STIM2: variants seen among roughly 807,000 people sequenced by gnomAD.
STIM2 encodes the protein stromal interaction molecule 2.
STIM2 carries 31 observed loss-of-function variants against 85.8 expected under a neutral mutation model. The ratio of observed to expected loss-of-function variants is 0.36; its 90% CI spans 0.27 to 0.49. The LOEUF (loss-of-function observed/expected upper bound fraction) is 0.49, where lower values mean the gene tolerates loss of function less well. Ranked by LOEUF, STIM2 falls within the 20% of genes least tolerant of loss-of-function variation. STIM2 has a pLI of 0.98. For missense variants in STIM2, 841 were observed against 927.6 expected, an observed-to-expected ratio of 0.91 and a Z score of 1.21; for synonymous variants, 356 against 331.1, an observed-to-expected ratio of 1.08 and a Z score of -0.82.
intron 2 of STIM2, among the ~76,000 whole-genome samples, chr4:26,932,027 T>C (rs760430295): frequency 6.6e-6 from 1 of 152,238 alleles, no homozygotes; most frequent in Admixed American, 6.5e-5. Flanking sequence ...ATTTGTTCCA[T>C]CGTATAAGCA....
At chr4:26,923,016 C>G (rs899675969) in intron 2 of STIM2, among the ~76,000 whole-genome samples, 15 of 151,816 alleles carry the variant, frequency 9.9e-5, no homozygotes, top group Admixed American at 2.0e-4. Context: ...TCCCAGCATG[C>G]AGCTGGAGAT....
At chr4:26,912,654 G>C (rs900081302) in intron 1 of STIM2, among the ~76,000 whole-genome samples, 1 of 152,054 alleles carries the variant, frequency 6.6e-6, no homozygotes, top group African/African-American at 2.4e-5. Context: ...ATATTTGTCT[G>C]TTTTCTCTTA....
intron 4 of STIM2, among the ~76,000 whole-genome samples, chr4:26,998,922 A>AT (rs1553853952): frequency 4.0e-5 from 6 of 149,504 alleles, no homozygotes; most frequent in South Asian, 2.1e-4. Flanking sequence ...AAAAAAAAAA[A>AT]TTTTTTTTTC....
At chr4:26,998,737 C>A (rs1048790008) in intron 4 of STIM2, among the ~76,000 whole-genome samples, 2 of 151,738 alleles carry the variant, frequency 1.3e-5, no homozygotes, top group Admixed American at 1.3e-4. Context: ...ATGGTGAAAC[C>A]CCATCTCTAC....
In STIM2 at chr4:26,873,871, G is replaced by T. The variant is rs368568114; in HGVS notation, c.151+12502G>T. The T allele has an allele frequency of 5.5e-5, 67 of 1,215,672 alleles. No homozygotes were observed. In the East Asian group the frequency reaches 1.0e-3, roughly 19 times the overall value. 75.3% of individuals were successfully genotyped at this position (1,215,672 alleles called of 1,614,324 possible). On this transcript the variant is annotated intron_variant, in intron 1 of 11. Transcript: ENST00000467087. ...TACGTGAACCCATCCGGGCAGAGAGGCAGTGATGCTCCTTCTCCCAGGGGT... is the reference window on the plus strand; with the variant it reads ...TACGTGAACCCATCCGGGCAGAGAGTCAGTGATGCTCCTTCTCCCAGGGGT...
intron 2 of STIM2, among the ~76,000 whole-genome samples, chr4:26,928,770 GTC>G (rs1725088287): frequency 6.6e-6 from 1 of 152,158 alleles, no homozygotes; most frequent in Admixed American, 6.5e-5. Context: ...ATCTTATTGA[GTC>G]TTTTAAATTT....
At chr4:27,011,207 G>A (rs536906053) in intron 10 of STIM2, among the ~76,000 whole-genome samples, 3 of 152,002 alleles carry the variant, frequency 2.0e-5, no homozygotes, top group Non-Finnish European at 4.4e-5. Flanking sequence ...CAATGGTTGC[G>A]TGTTTAGAAG....
At chr4:26,929,737 C>T (rs913395925) in intron 2 of STIM2, among the ~76,000 whole-genome samples, 2 of 151,672 alleles carry the variant, frequency 1.3e-5, no homozygotes, top group Non-Finnish European at 2.9e-5. Context: ...CTATTTTATA[C>T]CAGATACTCA....
At chr4:26,962,196 C>G (rs1319753020) in intron 3 of STIM2, among the ~76,000 whole-genome samples, 1 of 152,130 alleles carries the variant, frequency 6.6e-6, no homozygotes, top group Non-Finnish European at 1.5e-5. Context: ...TTTGAAAATT[C>G]ACTTATAAAA....
At chr4:27,021,464 C>T in intron 11 of STIM2, 3 of 456,666 alleles carry the variant, frequency 6.6e-6, no homozygotes, top group Middle Eastern at 6.7e-4. Flanking sequence ...ATGCAGGGCC[C>T]TGAGGGGTCT....
intron 1 of STIM2, among the ~76,000 whole-genome samples, chr4:26,863,223 C>G (rs1722284173): frequency 6.6e-6 from 1 of 152,122 alleles, no homozygotes; most frequent in African/African-American, 2.4e-5. Context: ...CGATGTATCA[C>G]ACAAAATGAG....
At chr4:26,995,861 C>T (rs908456465) in intron 4 of STIM2, among the ~76,000 whole-genome samples, 5 of 152,142 alleles carry the variant, frequency 3.3e-5, no homozygotes, top group South Asian at 2.1e-4. Flanking sequence ...GCGTCTCTTT[C>T]TTGTGACATT....
intron 1 of STIM2, among the ~76,000 whole-genome samples, chr4:26,872,225 A>G (rs1722646653): frequency 6.6e-6 from 1 of 152,208 alleles, no homozygotes; most frequent in Admixed American, 6.5e-5. Context: ...TAACCGGACC[A>G]TGAGTGGTCC....
intron 3 of STIM2, among the ~76,000 whole-genome samples, chr4:26,975,278 C>A (rs1727139505): frequency 6.6e-6 from 1 of 152,170 alleles, no homozygotes; most frequent in Non-Finnish European, 1.5e-5. Flanking sequence ...TGCTTTGTTC[C>A]ATTGCTGGCG....
At position 27,023,083 on chromosome 4, in the gene STIM2, AT is replaced by A; in HGVS notation, c.*91del. On this transcript the variant is annotated 3_prime_UTR_variant, in exon 12 of 12. Coordinates refer to ENST00000467087, the MANE Select transcript of STIM2 (RefSeq NM_020860.4). ...CACTCCCCACCTTTTTTTTGGTTTA[AT>A]TTTAGGAATGTAACTCCATTGGGGC... 7.6e-7 allele frequency: 1 copy of A among 1,320,832 alleles called. No individual in the cohort carries two copies. The allele number at this position is 1,320,832 out of a possible 1,614,324, so 81.8% of individuals were successfully genotyped here. A position where few individuals can be genotyped will look rare whatever the true frequency, so the allele number is the denominator to read the frequency against.
chr4:26,979,355 T>A (rs1300402739), intron 3 of STIM2, among the ~76,000 whole-genome samples: 1 of 152,224 alleles, frequency 6.6e-6, no homozygotes, highest in African/African-American at 2.4e-5. Context: ...TTCTGAATAC[T>A]GGTAAATTTG....
intron 1 of STIM2, chr4:26,881,465 CAA>C (rs33990831): frequency 6.6e-5 from 8 of 121,208 alleles, no homozygotes; most frequent in Non-Finnish European, 8.6e-5. Flanking sequence ...GACTCCATCT[CAA>C]AAAAAAAAAA....
chr4:26,983,799 G>A (rs978476477), intron 3 of STIM2, among the ~76,000 whole-genome samples: 1 of 152,120 alleles, frequency 6.6e-6, no homozygotes, highest in Non-Finnish European at 1.5e-5. Flanking sequence ...ATGCTTTCTG[G>A]TAGTCTTGGT....
intron 1 of STIM2, among the ~76,000 whole-genome samples, chr4:26,895,847 A>G (rs1368865333): frequency 6.6e-6 from 1 of 152,232 alleles, no homozygotes; most frequent in Non-Finnish European, 1.5e-5. Flanking sequence ...TTTGAAGAGT[A>G]ATAATCAAAC....
Sources: allele counts gnomAD v4.1 joint callset (sites outside exome capture counted in the v4.1 genomes callset), GRCh38; gene constraint gnomAD v4.1.1; transcripts MANE v1.5; gene names NCBI Gene and HGNC (gene_info 2026-07-23, HGNC 2026-07-21).